ROR2: variants seen among roughly 807,000 people sequenced by gnomAD.
ROR2 encodes the protein ROR family WNT receptor 2, also known as tyrosine-protein kinase transmembrane receptor ROR2.
Under a neutral mutation model 74.9 loss-of-function variants are expected in ROR2, and 33 were observed. The observed-to-expected ratio is 0.44, with a 90% CI of 0.33 to 0.59. ROR2 has a LOEUF of 0.59. Among genes scored for constraint, ROR2 ranks in the 20% least tolerant of loss-of-function variants. The probability of loss-of-function intolerance (pLI) is 0.02; values close to 1 mark genes in which losing one functional copy is unlikely to be tolerated. For synonymous variants in ROR2, 586 were observed against 558.7 expected (o/e 1.05, Z -0.69); for missense variants, 1,216 against 1,313.8 (o/e 0.93, Z 1.15).
In ROR2 at chr9:91,774,671, A is replaced by G. The variant is rs528346293; in HGVS notation, c.175+1070T>C. Among the ~76,000 whole-genome samples the G allele has an allele frequency of 5.3e-4, 80 of 152,270 alleles. 1 individual carries two copies. The highest frequency in any genetic ancestry group is 1.8e-3 in the African/African-American group (75 of 41,556). On this transcript the variant is annotated intron_variant, in intron 2 of 8. Coordinates refer to ENST00000375708, the MANE Select transcript of ROR2 (RefSeq NM_004560.4). Reference sequence around the variant, plus strand: ...ACTCAGTCTCAAATCCATCTCCCCAATGGACTAAAATTTGGGGTTTATACA... The same window carrying G: ...ACTCAGTCTCAAATCCATCTCCCCAGTGGACTAAAATTTGGGGTTTATACA...
At chr9:91,753,388 G>T (rs1256594146) in intron 4 of ROR2, among the ~76,000 whole-genome samples, 2 of 152,194 alleles carry the variant, frequency 1.3e-5, no homozygotes, top group African/African-American at 4.8e-5. Flanking sequence ...AACAAAGCAG[G>T]TCATTTATTC....
At chr9:91,819,653 T>TGTGTCTGTCTTTCA (rs1554679205) in intron 1 of ROR2, among the ~76,000 whole-genome samples, 4 of 150,118 alleles carry the variant, frequency 2.7e-5, no homozygotes, top group South Asian at 4.3e-4. Context: ...CTGTGTTCTC[T>TGTGTCTGTCTTTCA]GTGTCTGTGT....
At chr9:91,791,865 C>G (rs958703651) in intron 1 of ROR2, among the ~76,000 whole-genome samples, 3 of 151,386 alleles carry the variant, frequency 2.0e-5, no homozygotes, top group African/African-American at 7.3e-5. Flanking sequence ...AATACATAAC[C>G]TTTAATACAT....
chr9:91,755,157 G>A (rs186416758), intron 4 of ROR2, among the ~76,000 whole-genome samples: 5 of 145,100 alleles, frequency 3.4e-5, no homozygotes, highest in African/African-American at 1.1e-4. Flanking sequence ...TGTCTATTTG[G>A]GGGGGGAAAA....
Position 91,726,726 on chromosome 9 carries a change from TGCTGCTGTCTCGGGGACCTGTGAACA to T in ROR2, c.1184-9_1200del, listed in dbSNP as rs760917961. On this transcript the variant is annotated splice_acceptor_variant and splice_polypyrimidine_tract_variant and coding_sequence_variant and intron_variant, in exon 8 of 9. Transcript: ENST00000375708. LOFTEE classifies it high-confidence loss of function. ...ACCAAGATGTACAGAATCCCCATCT[TGCTGCTGTCTCGGGGACCTGTGAACA>T]ATAAGGCTTTCGTGATTTTTCAGAA... 6.2e-7 allele frequency: 1 copy of T among 1,613,982 alleles called. No individual in the cohort carries two copies. The highest frequency in any genetic ancestry group is 8.5e-7 in the Non-Finnish European group (1 of 1,180,034).
chr9:91,870,577 C>A (rs1829767354), intron 1 of ROR2, among the ~76,000 whole-genome samples: 1 of 152,206 alleles, frequency 6.6e-6, no homozygotes, highest in Admixed American at 6.5e-5. Context: ...TAGCACGTGT[C>A]CCATATAACT....
intron 4 of ROR2, among the ~76,000 whole-genome samples, chr9:91,750,529 C>T (rs959945049): frequency 6.6e-6 from 1 of 152,214 alleles, no homozygotes; most frequent in African/African-American, 2.4e-5. Flanking sequence ...CCAGATGGCA[C>T]TTCAGCGCCA....
intron 8 of ROR2, among the ~76,000 whole-genome samples, chr9:91,725,974 T>C (rs1837014934): frequency 6.6e-6 from 1 of 152,198 alleles, no homozygotes; most frequent in Non-Finnish European, 1.5e-5. Flanking sequence ...CGGCTTGCAA[T>C]GAGTGTAAAT....
intron 1 of ROR2, among the ~76,000 whole-genome samples, chr9:91,909,067 C>T (rs924051876): frequency 1.2e-4 from 19 of 152,236 alleles, no homozygotes; most frequent in Admixed American, 6.5e-4. Flanking sequence ...CCTAACGCAA[C>T]ATGCTGCTTT....
At chr9:91,902,575 C>T (rs1341975552) in intron 1 of ROR2, among the ~76,000 whole-genome samples, 4 of 152,126 alleles carry the variant, frequency 2.6e-5, no homozygotes, top group African/African-American at 4.8e-5. Context: ...CCTCCTTGGG[C>T]GACCCTGCCC....
At chr9:91,876,446 A>G (rs1829957899) in intron 1 of ROR2, among the ~76,000 whole-genome samples, 1 of 152,138 alleles carries the variant, frequency 6.6e-6, no homozygotes, top group Non-Finnish European at 1.5e-5. Context: ...CCCTGGTAAA[A>G]TAGCCAGTCC....
intron 1 of ROR2, among the ~76,000 whole-genome samples, chr9:91,868,550 C>T (rs747275265): frequency 1.3e-5 from 2 of 151,970 alleles, no homozygotes; most frequent in East Asian, 1.9e-4. Context: ...TAAAGACAAA[C>T]GGAAAAAATC....
Position 91,757,544 on chromosome 9 carries a change from A to T in ROR2, c.191T>A (p.Phe64Tyr). The change falls in exon 3 of 9, where the codon TTT becomes TAT. Residue 64 changes from phenylalanine (F) to tyrosine (Y), a missense_variant. Coordinates refer to ENST00000375708, the MANE Select transcript of ROR2 (RefSeq NM_004560.4). Reference protein sequence around the residue: ...IPTLKGYFLNFLEPVNNITIV... With the variant: ...IPTLKGYFLNYLEPVNNITIV... ...GGTGATATTGTTTACTGGCTCCAGA[A>T]AATTCAGAAAGTAACCTGCCAAGGA... is the stretch of plus-strand genomic sequence containing the variant. The T allele has an allele frequency of 6.2e-7, 1 of 1,613,766 alleles. No homozygotes were observed. Among genetic ancestry groups the T allele is most frequent in the South Asian group, 1.1e-5 (1 of 90,948 alleles).
intron 1 of ROR2, among the ~76,000 whole-genome samples, chr9:91,840,851 G>T (rs73651571): frequency 0.019 from 2,918 of 152,316 alleles, 93 homozygotes; most frequent in African/African-American, 0.063. Flanking sequence ...CACACCCCAT[G>T]CTCCAGCTCT....
At chr9:91,893,416 G>T (rs1476387245) in intron 1 of ROR2, among the ~76,000 whole-genome samples, 1 of 151,970 alleles carries the variant, frequency 6.6e-6, no homozygotes, top group African/African-American at 2.4e-5. Context: ...CTCCAGCCTG[G>T]GTGGCAGAGT....
intron 1 of ROR2, among the ~76,000 whole-genome samples, chr9:91,882,074 G>A (rs545431146): frequency 6.6e-6 from 1 of 152,030 alleles, no homozygotes; most frequent in Non-Finnish European, 1.5e-5. Context: ...CTGTCCTTTC[G>A]ACCTTGAATG....
At chr9:91,916,297 G>A (rs1262074270) in intron 1 of ROR2, among the ~76,000 whole-genome samples, 2 of 152,190 alleles carry the variant, frequency 1.3e-5, no homozygotes, top group African/African-American at 4.8e-5. Context: ...AATCTTACGT[G>A]GATTCCAAAT....
At chr9:91,766,770 G>A (rs997751850) in intron 2 of ROR2, among the ~76,000 whole-genome samples, 2 of 152,222 alleles carry the variant, frequency 1.3e-5, no homozygotes, top group Admixed American at 6.5e-5. Context: ...GCCAAAAGGA[G>A]CCAGGCATGG....
chr9:91,902,880 C>A (rs1830711639), intron 1 of ROR2, among the ~76,000 whole-genome samples: 1 of 152,106 alleles, frequency 6.6e-6, no homozygotes, highest in Non-Finnish European at 1.5e-5. Flanking sequence ...GCATGTTCCA[C>A]TTCTACAAGG....
Sources: allele counts gnomAD v4.1 joint callset (sites outside exome capture counted in the v4.1 genomes callset), GRCh38; gene constraint gnomAD v4.1.1; transcripts MANE v1.5; gene names NCBI Gene and HGNC (gene_info 2026-07-23, HGNC 2026-07-21).